RAB10: variants seen among roughly 807,000 people sequenced by gnomAD.
The protein encoded by RAB10 is RAB10, member RAS oncogene family, also known as ras-related protein Rab-10.
A neutral mutation model predicts 25.7 loss-of-function variants in RAB10; 5 were observed. That is an observed-to-expected ratio of 0.19 (90% CI 0.10 to 0.41). The LOEUF is 0.41. RAB10 is among the 10% of genes least tolerant of loss of function. The pLI, the probability that RAB10 is intolerant of heterozygous loss-of-function variation, is 1.00. For missense variants in RAB10, 103 were observed against 245.8 expected (o/e 0.42, Z 3.89); for synonymous variants, 89 against 86.4 (o/e 1.03, Z -0.16).
intron 3 of RAB10, among the ~76,000 whole-genome samples, chr2:26,112,802 C>T (rs746872092): frequency 6.6e-6 from 1 of 152,080 alleles, no homozygotes; most frequent in Non-Finnish European, 1.5e-5. Flanking sequence ...AAATCTTGGC[C>T]AGGCGCAGTG....
chr2:26,099,211 A>AATGCGTTTT (rs1667289268), intron 2 of RAB10, among the ~76,000 whole-genome samples: 1 of 151,614 alleles, frequency 6.6e-6, no homozygotes, highest in Admixed American at 6.6e-5. Context: ...TTTTCCAGCA[A>AATGCGTTTT]ATGTGTATTA....
intron 2 of RAB10, among the ~76,000 whole-genome samples, chr2:26,103,951 G>T (rs111929108): frequency 2.0e-5 from 3 of 152,100 alleles, no homozygotes; most frequent in Non-Finnish European, 2.9e-5. Context: ...ATACTCCATT[G>T]TATGGATATA....
intron 1 of RAB10, among the ~76,000 whole-genome samples, chr2:26,089,888 T>C (rs1667067443): frequency 1.3e-5 from 2 of 152,206 alleles, no homozygotes; most frequent in African/African-American, 4.8e-5. Flanking sequence ...GACAACTTTT[T>C]GTTTTTTTGT....
At chr2:26,098,109 C>CTTTTTTTTTTTTTTTTTTTTTTTTTTTT (rs57174956) in intron 1 of RAB10, among the ~76,000 whole-genome samples, 14 of 52,726 alleles carry the variant, frequency 2.7e-4, no homozygotes, top group East Asian at 5.8e-4. Flanking sequence ...TTCTTTCTTT[C>CTTTTTTTTTTTTTTTTTTTTTTTTTTTT]TTTTTTTTTT....
At chr2:26,067,182 G>T (rs181804429) in intron 1 of RAB10, among the ~76,000 whole-genome samples, 2 of 152,110 alleles carry the variant, frequency 1.3e-5, no homozygotes, top group East Asian at 1.9e-4. Flanking sequence ...CTTCCAAAGT[G>T]CTAGGTTTAC....
chr2:26,118,340 G>T (rs1481445899), intron 3 of RAB10, among the ~76,000 whole-genome samples: 5 of 139,984 alleles, frequency 3.6e-5, no homozygotes, highest in African/African-American at 1.3e-4. Context: ...TTGAGACCGG[G>T]TTTCACTGTT....
chr2:26,075,972 G>T (rs1666723603), intron 1 of RAB10, among the ~76,000 whole-genome samples: 1 of 152,114 alleles, frequency 6.6e-6, no homozygotes, highest in Non-Finnish European at 1.5e-5. Flanking sequence ...GATCAGGGAG[G>T]TGTATCAATA....
intron 2 of RAB10, among the ~76,000 whole-genome samples, chr2:26,109,493 C>G (rs1667530153): frequency 6.6e-6 from 1 of 152,084 alleles, no homozygotes. Flanking sequence ...ATCCTACCTG[C>G]TTTTGTGTTA....
At chr2:26,116,235 G>A (rs1030923837) in intron 3 of RAB10, among the ~76,000 whole-genome samples, 2 of 152,104 alleles carry the variant, frequency 1.3e-5, no homozygotes, top group African/African-American at 4.8e-5. Flanking sequence ...CCGGGCTGGT[G>A]TTAAAACCCT....
chr2:26,121,438 C>A (rs1467809528), intron 3 of RAB10, among the ~76,000 whole-genome samples: 1 of 152,180 alleles, frequency 6.6e-6, no homozygotes, highest in African/African-American at 2.4e-5. Context: ...TCCTTCTCAG[C>A]CTCCCAAGAA....
rs1668090786 is a variant in RAB10, at chr2:26,135,415, A to G, written c.*394A>G. 1.3e-5 allele frequency: 2 copies of G among 158,046 alleles called. No homozygotes were observed. Among genetic ancestry groups the G allele is most frequent in the Admixed American group, 1.3e-4 (2 of 15,500 alleles). 9.8% of individuals were successfully genotyped at this position (158,046 alleles called of 1,614,324 possible). ...ACAACAGTGGAATTTTCTGTCATGG[A>G]TAATGTGCTTGAGTCCCTATAATCT... On this transcript the variant is annotated 3_prime_UTR_variant, in exon 6 of 6. Coordinates refer to ENST00000264710, the MANE Select transcript of RAB10 (RefSeq NM_016131.5).
chr2:26,113,736 C>A (rs1667626991), intron 3 of RAB10, among the ~76,000 whole-genome samples: 2 of 118,322 alleles, frequency 1.7e-5, no homozygotes, highest in African/African-American at 3.3e-5. Context: ...TGAGTTCCAG[C>A]CAGAGCTAAA....
intron 1 of RAB10, among the ~76,000 whole-genome samples, chr2:26,090,994 T>C (rs189954718): frequency 6.6e-6 from 1 of 150,810 alleles, no homozygotes; most frequent in African/African-American, 2.4e-5. Flanking sequence ...CCTGAGGCGC[T>C]AAAAAGCTGA....
intron 1 of RAB10, among the ~76,000 whole-genome samples, chr2:26,062,301 A>G (rs144850439): frequency 4.6e-4 from 70 of 152,282 alleles, no homozygotes; most frequent in African/African-American, 1.6e-3. Flanking sequence ...TTTTGGTGGC[A>G]ATACTTTTTC....
intron 1 of RAB10, among the ~76,000 whole-genome samples, chr2:26,041,074 G>A (rs1665873708): frequency 1.3e-5 from 2 of 151,830 alleles, no homozygotes; most frequent in African/African-American, 4.8e-5. Context: ...ACACCTGGAA[G>A]GGTACCTGCA....
rs575905869 is a variant in RAB10, at chr2:26,094,186, G to A, written c.128-4476G>A. On this transcript the variant is annotated intron_variant, in intron 1 of 5. Transcript: ENST00000264710. ...TTATAGGCATGAGCCACCACACCCA[G>A]CCTTTTTCCTTACTTAAAAAAAAAG... Among the ~76,000 whole-genome samples the A allele has an allele frequency of 4.4e-4, 66 of 151,644 alleles. No homozygotes were observed. In the East Asian group the frequency reaches 9.0e-3, roughly 21 times the overall value.
At chr2:26,077,951 C>T (rs1574540685) in intron 1 of RAB10, among the ~76,000 whole-genome samples, 2 of 152,008 alleles carry the variant, frequency 1.3e-5, no homozygotes, top group African/African-American at 4.8e-5. Context: ...TGCACTCCAG[C>T]CTGGGCGACA....
intron 2 of RAB10, among the ~76,000 whole-genome samples, chr2:26,106,700 A>G (rs1017946816): frequency 6.6e-6 from 1 of 151,888 alleles, no homozygotes; most frequent in African/African-American, 2.4e-5. Context: ...AGCCTGGCCA[A>G]CATGGCAAAA....
At chr2:26,069,091 A>G (rs372993444) in intron 1 of RAB10, among the ~76,000 whole-genome samples, 7 of 152,144 alleles carry the variant, frequency 4.6e-5, no homozygotes, top group African/African-American at 9.7e-5. Context: ...AATATAGCCT[A>G]TTTGCCCTCT....
Sources: allele counts gnomAD v4.1 joint callset (sites outside exome capture counted in the v4.1 genomes callset), GRCh38; gene constraint gnomAD v4.1.1; transcripts MANE v1.5; gene names NCBI Gene and HGNC (gene_info 2026-07-23, HGNC 2026-07-21).